The following CDKL5 variants were observed in gnomAD, a reference collection of about 807,000 sequenced individuals.
The protein encoded by CDKL5 is cyclin dependent kinase like 5.
CDKL5 carries 8 observed loss-of-function variants against 61.7 expected under a neutral mutation model. The observed-to-expected ratio is 0.13, with a 90% confidence interval of 0.08 to 0.23. The LOEUF is 0.23. Among genes scored for constraint, CDKL5 ranks in the 10% least tolerant of loss-of-function variants. The pLI is 1.00. For missense variants in CDKL5, 440 were observed against 734.5 expected (o/e 0.60, Z 4.63); for synonymous variants, 275 against 272.3 (o/e 1.01, Z -0.10).
Position 18,520,542 on chromosome X carries a change from T to C in CDKL5, c.99+9688T>C, listed in dbSNP as rs192885293. Among the ~76,000 whole-genome samples the C allele has an allele frequency of 5.2e-4, 59 of 112,619 alleles. 4 individuals are homozygous for C. In the East Asian group the frequency reaches 5.9e-3, roughly 11 times the overall value. The stretch of plus-strand genomic sequence containing the variant: ...TTGTCTATTGTGACTATTACTGCTA[T>C]GAACATTCATGTACAAGTGTTGTTT... On this transcript the variant is annotated intron_variant, in intron 3 of 17. Transcript: ENST00000623535.
intron 1 of CDKL5, among the ~76,000 whole-genome samples, chrX:18,484,962 T>A (rs1227301329): frequency 1.8e-5 from 2 of 110,927 alleles, no homozygotes; most frequent in East Asian, 5.6e-4. Flanking sequence ...TCTCGCCATG[T>A]TGCCCATAAT....
At chrX:18,481,105 C>T (rs1270723296) in intron 1 of CDKL5, among the ~76,000 whole-genome samples, 6 of 110,456 alleles carry the variant, frequency 5.4e-5, no homozygotes, top group East Asian at 5.7e-4. Context: ...ATGATCCACC[C>T]GCCTCGGCCT....
At chrX:18,647,155 A>G in intron 20 of CDKL5, 2 of 1,206,070 alleles carry the variant, frequency 1.7e-6, no homozygotes, top group Non-Finnish European at 2.2e-6. Context: ...TTTTTTTTTA[A>G]AAGCACATGA....
At chrX:18,623,062 A>G (rs1926938415) in intron 16 of CDKL5, among the ~76,000 whole-genome samples, 1 of 112,221 alleles carries the variant, frequency 8.9e-6, no homozygotes, top group African/African-American at 3.2e-5. Flanking sequence ...TCTGTATTGT[A>G]AAGGTGCCTG....
intron 1 of CDKL5, among the ~76,000 whole-genome samples, chrX:18,502,063 A>G (rs1052461966): frequency 1.4e-4 from 16 of 112,204 alleles, no homozygotes; most frequent in Admixed American, 3.8e-4. Flanking sequence ...TTTACCAGGA[A>G]TGTGACTGAC....
intron 9 of CDKL5, among the ~76,000 whole-genome samples, chrX:18,590,925 G>T (rs766546042): frequency 2.7e-5 from 3 of 111,315 alleles, no homozygotes; most frequent in Non-Finnish European, 5.7e-5. Flanking sequence ...ACCTCATCTC[G>T]TACCTATCTC....
intron 17 of CDKL5, among the ~76,000 whole-genome samples, chrX:18,627,966 C>T (rs962341355): frequency 1.8e-5 from 2 of 111,134 alleles, no homozygotes; most frequent in Non-Finnish European, 3.8e-5. Flanking sequence ...GGCTGTGTAC[C>T]TAAGTTCTAG....
chrX:18,553,391 AAAT>A (rs1422928513), intron 3 of CDKL5, among the ~76,000 whole-genome samples: 9 of 111,142 alleles, frequency 8.1e-5, no homozygotes, highest in Admixed American at 4.8e-4. Flanking sequence ...GTCTTATTGG[AAAT>A]AATGAGAAAA....
At chrX:18,651,893 G>A (rs1222902280) in intron 21 of CDKL5, among the ~76,000 whole-genome samples, 1 of 110,517 alleles carries the variant, frequency 9.0e-6, no homozygotes, top group East Asian at 2.9e-4. Context: ...GCTCTTTTCA[G>A]GTCCACATGT....
intron 20 of CDKL5, chrX:18,650,407 C>T: frequency 8.3e-7 from 1 of 1,211,495 alleles, no homozygotes; most frequent in African/African-American, 1.7e-5. Context: ...GAATATTTTC[C>T]AGGAGAATAC....
At chrX:18,621,641 A>G (rs1286372008) in intron 16 of CDKL5, among the ~76,000 whole-genome samples, 1 of 111,352 alleles carries the variant, frequency 9.0e-6, no homozygotes, top group African/African-American at 3.3e-5. Flanking sequence ...CTATATCTAC[A>G]TGCACAGAAT....
In CDKL5 at chrX:18,637,989, C is replaced by T. The variant is rs1927445219; in HGVS notation, c.*9232C>T. 9.0e-6 allele frequency: 1 copy of T among 111,484 alleles called. No individual in the cohort carries two copies. Among genetic ancestry groups the T allele is most frequent in the Admixed American group, 9.6e-5 (1 of 10,446 alleles). The allele number at this position is 111,484 out of a possible 1,213,427, so 9.2% of individuals were successfully genotyped here. On this transcript the variant is annotated 3_prime_UTR_variant, in exon 18 of 18. Coordinates refer to ENST00000623535, the MANE Select transcript of CDKL5 (RefSeq NM_001323289.2). ...AAGGTTGGGCTTAAGAATGACCCAG[C>T]ATGGAAGTACTCTTGGGACCACAGG...
chrX:18,609,968 C>T (rs1029576501), intron 14 of CDKL5, among the ~76,000 whole-genome samples: 1 of 111,883 alleles, frequency 8.9e-6, no homozygotes, highest in Non-Finnish European at 1.9e-5. Context: ...CTCACTTCCT[C>T]GGGAGGAGAG....
At chrX:18,583,668 C>G (rs755213464) in intron 7 of CDKL5, among the ~76,000 whole-genome samples, 47 of 111,289 alleles carry the variant, frequency 4.2e-4, no homozygotes, top group Middle Eastern at 4.6e-3. Flanking sequence ...GCCCTAAAAC[C>G]TTTTCAAAGG....
intron 1 of CDKL5, among the ~76,000 whole-genome samples, chrX:18,433,916 A>G (rs1931553785): frequency 8.9e-6 from 1 of 112,586 alleles, no homozygotes; most frequent in Non-Finnish European, 1.9e-5. Context: ...CCCCCTTGAC[A>G]GATCCATGCC....
chrX:18,463,217 G>C (rs1932329603), intron 1 of CDKL5, among the ~76,000 whole-genome samples: 1 of 107,824 alleles, frequency 9.3e-6, no homozygotes, highest in Non-Finnish European at 1.9e-5. Flanking sequence ...GGTGCCTTTA[G>C]AAGCAGTGCA....
Position 18,645,653 on chromosome X carries a change from C to T in CDKL5, c.2714-354C>T, listed in dbSNP as rs551170299. Among the ~76,000 whole-genome samples, 229 of 111,363 alleles carry T rather than the reference C, an allele frequency of 2.1e-3. 1 individual carries two copies. Among genetic ancestry groups the T allele is most frequent in the Admixed American group, 8.5e-3 (88 of 10,412 alleles). On this transcript the variant is annotated intron_variant, in intron 19 of 21. Coordinates refer to the CDKL5 transcript ENST00000379989. Reference sequence around the variant, plus strand: ...CGTGTCCCCCTCTTTCTTCCCACACCTCAACTACTCTCCCTGGATTGCTCT... The same window carrying T: ...CGTGTCCCCCTCTTTCTTCCCACACTTCAACTACTCTCCCTGGATTGCTCT...
chrX:18,461,397 A>G (rs1451897277), intron 1 of CDKL5, among the ~76,000 whole-genome samples: 1 of 112,639 alleles, frequency 8.9e-6, no homozygotes, highest in Non-Finnish European at 1.9e-5. Flanking sequence ...ACCAAACATC[A>G]CAGACCTTTG....
Position 18,637,096 on chromosome X carries a change from A to C in CDKL5, c.*8339A>C, listed in dbSNP as rs773563396. 1 of 111,848 alleles carries C rather than the reference A, an allele frequency of 8.9e-6. No homozygotes were observed. The highest frequency in any genetic ancestry group is 3.2e-5 in the African/African-American group (1 of 30,787). 9.2% of individuals were successfully genotyped at this position (111,848 alleles called of 1,213,427 possible). A position where few individuals can be genotyped will look rare whatever the true frequency, so the allele number is the denominator to read the frequency against. On this transcript the variant is annotated 3_prime_UTR_variant, in exon 18 of 18. Transcript: ENST00000623535. ...AATATAGAGAAACCCCGTCTGTACT[A>C]AAAATACAAAAATTAGGTCTGGGCG...
Sources: gnomAD v4.1 joint callset for allele counts (sites outside exome capture counted in the v4.1 genomes callset) on GRCh38, gnomAD v4.1.1 for gene constraint, MANE v1.5 for transcripts, NCBI Gene and HGNC (gene_info 2026-07-23, HGNC 2026-07-21) for gene names.